LAMTOR3: variants seen among roughly 807,000 people sequenced by gnomAD.
LAMTOR3 encodes the protein late endosomal/lysosomal adaptor, MAPK and MTOR activator 3, also known as ragulator complex protein LAMTOR3.
Under a neutral mutation model 20.3 loss-of-function variants are expected in LAMTOR3, and 14 were observed. That is an observed-to-expected ratio of 0.69 (90% CI 0.46 to 1.08). LAMTOR3 has a LOEUF of 1.08. LAMTOR3 is among the 50% of genes least tolerant of loss of function. The pLI, the probability that LAMTOR3 is intolerant of heterozygous loss-of-function variation, is 0.00. For missense variants in LAMTOR3, 125 were observed against 143.7 expected (o/e 0.87, Z 0.67); for synonymous variants, 40 against 49.4 (o/e 0.81, Z 0.80).
rs1724910643 is a variant in LAMTOR3 at position 99,885,689 on chromosome 4, T to C, written c.104-14A>G. 1.9e-6 allele frequency: 3 copies of C among 1,606,372 alleles called. No homozygotes were observed. Among genetic ancestry groups the C allele is most frequent in the Non-Finnish European group, 2.6e-6 (3 of 1,175,912 alleles). On this transcript the variant is annotated splice_polypyrimidine_tract_variant and intron_variant, in intron 4 of 6. Coordinates refer to ENST00000499666, the MANE Select transcript of LAMTOR3 (RefSeq NM_021970.4). ...TGTCATTTGCCACTAGAAAAATAAG[T>C]GATTTAAATAAAAATTATGCAGAGG...
intron 3 of LAMTOR3, among the ~76,000 whole-genome samples, chr4:99,888,581 A>G (rs1017624783): frequency 5.9e-5 from 9 of 152,212 alleles, no homozygotes; most frequent in African/African-American, 1.7e-4. Flanking sequence ...GATATGTTCA[A>G]TGTCCCTACA....
intron 6 of LAMTOR3, 131 bp downstream of exon 6, chr4:99,883,931 A>T (rs1456773294): frequency 1.6e-6 from 1 of 629,218 alleles, no homozygotes; most frequent in Admixed American, 2.9e-5. Context: ...TGGAAAAAAG[A>T]CAGTGAAACT....
At position 99,892,015 on chromosome 4, in the gene LAMTOR3, T is replaced by C; in HGVS notation, c.29A>G (p.Tyr10Cys). 2.5e-6 allele frequency: 4 copies of C among 1,571,680 alleles called. No homozygotes were observed. The highest frequency in any genetic ancestry group is 3.4e-6 in the Non-Finnish European group (4 of 1,165,294). MADDLKRFL[Y>C]KKLPSVEGLH... The stretch of plus-strand genomic sequence containing the variant: ...AATTTCTTACCTTGGTAACTTTTTA[T>C]ACAAGAATCGCTTTAGGTCCTGAAA... The change falls in exon 3 of 7, where the codon TAT becomes TGT. Residue 10 changes from tyrosine to cysteine, a missense_variant. By Grantham distance (194) the Tyr-to-Cys change is radical. Coordinates refer to ENST00000499666, the MANE Select transcript of LAMTOR3 (RefSeq NM_021970.4).
intron 5 of LAMTOR3, among the ~76,000 whole-genome samples, chr4:99,884,471 T>A (rs1005445515): frequency 6.6e-6 from 1 of 152,178 alleles, no homozygotes; most frequent in Admixed American, 6.5e-5. Context: ...TATTTCTCAG[T>A]TATTCAAGTA....
At chr4:99,888,156 T>C (rs1357754544) in intron 3 of LAMTOR3, among the ~76,000 whole-genome samples, 2 of 152,254 alleles carry the variant, frequency 1.3e-5, no homozygotes, top group African/African-American at 4.8e-5. Flanking sequence ...GTCCAGGCTC[T>C]GCCACTTATT....
chr4:99,891,462 C>A (rs989127882), intron 3 of LAMTOR3, among the ~76,000 whole-genome samples: 2 of 152,192 alleles, frequency 1.3e-5, no homozygotes, highest in Non-Finnish European at 2.9e-5. Flanking sequence ...ATGTAATTAA[C>A]AGATGCACAC....
rs781100130 is a variant in LAMTOR3 at position 99,892,037 on chromosome 4, G to A, written c.10-3C>T. The stretch of plus-strand genomic sequence containing the variant: ...TTATACAAGAATCGCTTTAGGTCCT[G>A]AAAGAGAGCATTAAAAAATAATGTT... On this transcript the variant is annotated splice_region_variant and splice_polypyrimidine_tract_variant and intron_variant, in intron 2 of 6. Transcript: ENST00000499666. 1.9e-6 allele frequency: 3 copies of A among 1,567,500 alleles called. No homozygotes were observed. Among genetic ancestry groups the A allele is most frequent in the Non-Finnish European group, 2.6e-6 (3 of 1,163,400 alleles).
intron 3 of LAMTOR3, among the ~76,000 whole-genome samples, chr4:99,889,439 A>T (rs1724984713): frequency 6.6e-6 from 1 of 152,210 alleles, no homozygotes; most frequent in South Asian, 2.1e-4. Flanking sequence ...GCCATGAGAA[A>T]GAGGAAGTTC....
At position 99,887,300 on chromosome 4, in the gene LAMTOR3, A is replaced by C. The variant is rs754199740; in HGVS notation, c.99T>G (p.Ile33Met). The C allele has an allele frequency of 1.3e-6, 2 of 1,563,194 alleles. No individual in the cohort carries two copies. Among genetic ancestry groups the C allele is most frequent in the Admixed American group, 1.8e-5 (1 of 54,712 alleles). Residue 33 changes from isoleucine (I) to methionine (M), a missense_variant, in exon 4 of 7, where the codon ATT becomes ATG. Physicochemically the swap from Ile to Met is conservative, Grantham distance 10. Around this residue, in one of 3 missense-constraint regions of LAMTOR3, gnomAD observed 99 missense variants for 96.0 expected, o/e 1.03. Transcript: ENST00000499666. ...CATTTAAATGTTCAGTTTTACCTTTAATAACAGGTACTCCATCTCTATCTG... is the reference window on the plus strand; with the variant it reads ...CATTTAAATGTTCAGTTTTACCTTTCATAACAGGTACTCCATCTCTATCTG... ...VVSDRDGVPV[I>M]KVANDNAPEH...
chr4:99,893,437 C>A (rs1013925399), intron 2 of LAMTOR3, among the ~76,000 whole-genome samples: 1 of 152,124 alleles, frequency 6.6e-6, no homozygotes, highest in Non-Finnish European at 1.5e-5. Context: ...CCAGCACTTA[C>A]TATTCTCCAA....
chr4:99,890,224 A>G (rs1244970444), intron 3 of LAMTOR3, among the ~76,000 whole-genome samples: 1 of 152,250 alleles, frequency 6.6e-6, no homozygotes, highest in Non-Finnish European at 1.5e-5. Context: ...AGTTTTATAC[A>G]CATAATTATG....
intron 2 of LAMTOR3, among the ~76,000 whole-genome samples, chr4:99,892,672 G>A (rs915182443): frequency 1.4e-5 from 2 of 145,774 alleles, no homozygotes; most frequent in African/African-American, 5.3e-5. Context: ...ATGACTATGT[G>A]AGGCAACATT....
Position 99,885,682 on chromosome 4 carries a change from A to G in LAMTOR3, c.104-7T>C. The G allele has an allele frequency of 6.2e-7, 1 of 1,608,958 alleles. No individual in the cohort carries two copies. The highest frequency in any genetic ancestry group is 8.5e-7 in the Non-Finnish European group (1 of 1,177,658). ...GGAGCATTGTCATTTGCCACTAGAA[A>G]AATAAGTGATTTAAATAAAAATTAT... On this transcript the variant is annotated splice_region_variant and splice_polypyrimidine_tract_variant and intron_variant, in intron 4 of 6. Transcript: ENST00000499666.
intron 2 of LAMTOR3, among the ~76,000 whole-genome samples, chr4:99,893,154 C>T (rs1182705768): frequency 1.3e-5 from 2 of 152,136 alleles, no homozygotes; most frequent in Non-Finnish European, 2.9e-5. Context: ...GCTGTGACTA[C>T]AGAGGTATCA....
In LAMTOR3 at chr4:99,894,352, C is replaced by T. The variant is rs548588167; in HGVS notation, c.-55G>A. The T allele has an allele frequency of 3.9e-5, 8 of 204,344 alleles. No individual in the cohort carries two copies. The South Asian group carries it at 9.3e-4, about 24-fold the overall frequency. 12.7% of individuals were successfully genotyped at this position (204,344 alleles called of 1,614,324 possible). On this transcript the variant is annotated 5_prime_UTR_variant, in exon 1 of 7. Transcript: ENST00000499666. ...CCAGTTACCTGGGGTTTCTGGGCTG[C>T]CTGGTTCTCTCCGCTGTCACTTCAG...
At chr4:99,890,730 C>G (rs1725006833) in intron 3 of LAMTOR3, among the ~76,000 whole-genome samples, 1 of 151,896 alleles carries the variant, frequency 6.6e-6, no homozygotes, top group African/African-American at 2.4e-5. Context: ...CTTGGATAAG[C>G]ACAACAACCT....
intron 6 of LAMTOR3, among the ~76,000 whole-genome samples, chr4:99,882,923 CA>C (rs1481510026): frequency 1.3e-5 from 2 of 151,980 alleles, no homozygotes; most frequent in Admixed American, 6.6e-5. Flanking sequence ...CTATCTGCCT[CA>C]AACAGAGCCT....
intron 4 of LAMTOR3, among the ~76,000 whole-genome samples, chr4:99,886,413 G>T (rs909004233): frequency 6.6e-6 from 1 of 152,162 alleles, no homozygotes; most frequent in Non-Finnish European, 1.5e-5. Flanking sequence ...TAAACCACAG[G>T]ACCTCCTTTG....
chr4:99,885,305 T>C (rs926419094), intron 5 of LAMTOR3, among the ~76,000 whole-genome samples: 2 of 152,186 alleles, frequency 1.3e-5, no homozygotes, highest in Admixed American at 6.5e-5. Flanking sequence ...ATACTCTTTT[T>C]AGGATAACAT....
Sources: allele counts gnomAD v4.1 joint callset (sites outside exome capture counted in the v4.1 genomes callset), GRCh38; gene constraint gnomAD v4.1.1; regional missense constraint gnomAD v4.1.1; transcripts MANE v1.5; gene names NCBI Gene and HGNC (gene_info 2026-07-23, HGNC 2026-07-21).